KCNQ3: variants seen among roughly 807,000 people sequenced by gnomAD.
KCNQ3 encodes the protein potassium voltage-gated channel subfamily KQT member 3.
Under a neutral mutation model 92.5 loss-of-function variants are expected in KCNQ3, and 30 were observed. That is an observed-to-expected ratio of 0.32 (90% CI 0.24 to 0.44). The LOEUF is 0.44. KCNQ3 is among the 20% of genes least tolerant of loss of function. KCNQ3 has a pLI of 1.00. For synonymous variants in KCNQ3, 450 were observed against 468.8 expected (o/e 0.96, Z 0.52); for missense variants, 913 against 1,140.3 (o/e 0.80, Z 2.87).
At chr8:132,161,200 C>A (rs539498222) in intron 9 of KCNQ3, among the ~76,000 whole-genome samples, 2 of 152,100 alleles carry the variant, frequency 1.3e-5, no homozygotes, top group East Asian at 1.9e-4. Flanking sequence ...TTTTTCTTAT[C>A]CCCAATATAG....
intron 1 of KCNQ3, among the ~76,000 whole-genome samples, chr8:132,347,080 C>T (rs1268514240): frequency 6.6e-6 from 1 of 152,142 alleles, no homozygotes; most frequent in African/African-American, 2.4e-5. Context: ...AGGATACCTG[C>T]CTGGCCCCTG....
chr8:132,356,145 C>T (rs1207107208), intron 1 of KCNQ3, among the ~76,000 whole-genome samples: 2 of 152,182 alleles, frequency 1.3e-5, no homozygotes. Flanking sequence ...GAGCCAGGCA[C>T]TGAGTGGAGG....
chr8:132,377,007 G>A (rs986865070), intron 1 of KCNQ3, among the ~76,000 whole-genome samples: 5 of 152,234 alleles, frequency 3.3e-5, no homozygotes, highest in Admixed American at 1.3e-4. Flanking sequence ...AGGGAATTGC[G>A]ATGGTTAATT....
intron 1 of KCNQ3, among the ~76,000 whole-genome samples, chr8:132,264,179 T>C (rs1017446165): frequency 2.0e-5 from 3 of 152,038 alleles, no homozygotes; most frequent in African/African-American, 7.2e-5. Context: ...CATTAGGGAG[T>C]ACATGCTATT....
intron 1 of KCNQ3, among the ~76,000 whole-genome samples, chr8:132,221,091 T>C (rs1283493525): frequency 2.0e-5 from 3 of 152,170 alleles, no homozygotes; most frequent in Admixed American, 2.0e-4. Context: ...CTTGTGATAG[T>C]TTGCTCAGAA....
chr8:132,473,340 T>C (rs919360092), intron 1 of KCNQ3, among the ~76,000 whole-genome samples: 2 of 152,170 alleles, frequency 1.3e-5, no homozygotes, highest in Admixed American at 6.5e-5. Context: ...CAGTAATGAA[T>C]TACAGTTTAT....
intron 1 of KCNQ3, among the ~76,000 whole-genome samples, chr8:132,266,359 T>C (rs184926489): frequency 6.4e-4 from 97 of 152,312 alleles, no homozygotes; most frequent in African/African-American, 2.2e-3. Context: ...TCTTCTAAGC[T>C]AGGAGCCAAG....
chr8:132,366,874 G>A (rs1376816759), intron 1 of KCNQ3, among the ~76,000 whole-genome samples: 1 of 152,126 alleles, frequency 6.6e-6, no homozygotes, highest in Admixed American at 6.5e-5. Flanking sequence ...TAGAATGTTT[G>A]CTTAATTTCA....
At chr8:132,427,389 G>A (rs909757809) in intron 1 of KCNQ3, among the ~76,000 whole-genome samples, 6 of 152,282 alleles carry the variant, frequency 3.9e-5, no homozygotes, top group African/African-American at 1.2e-4. Context: ...CTCCTTTAAC[G>A]TAAGGAGTCA....
At chr8:132,236,487 C>T (rs779015985) in intron 1 of KCNQ3, among the ~76,000 whole-genome samples, 2 of 152,128 alleles carry the variant, frequency 1.3e-5, no homozygotes, top group Non-Finnish European at 2.9e-5. Context: ...GAGATTAATG[C>T]TAATAATTAA....
chr8:132,214,490 G>A (rs1003389712), intron 1 of KCNQ3, among the ~76,000 whole-genome samples: 1 of 152,192 alleles, frequency 6.6e-6, no homozygotes, highest in African/African-American at 2.4e-5. Context: ...GGCGTTATGG[G>A]GTGGGGTGGT....
intron 3 of KCNQ3, among the ~76,000 whole-genome samples, chr8:132,183,587 T>C (rs1826863338): frequency 1.3e-5 from 2 of 152,164 alleles, no homozygotes; most frequent in Admixed American, 1.3e-4. Flanking sequence ...TGGATTTTAG[T>C]CCACACTGGA....
intron 13 of KCNQ3, 49 bp from the exon 14 acceptor site, chr8:132,132,313 A>G (rs1354240186): frequency 5.4e-6 from 8 of 1,474,898 alleles, no homozygotes; most frequent in Non-Finnish European, 6.6e-6. Flanking sequence ...TATTTTTGCT[A>G]TGCAAGGTAA....
chr8:132,472,223 T>C (rs1822313528), intron 1 of KCNQ3, among the ~76,000 whole-genome samples: 8 of 152,116 alleles, frequency 5.3e-5, no homozygotes, highest in Admixed American at 4.6e-4. Flanking sequence ...AAACTAAAAA[T>C]AGAACTATCA....
chr8:132,441,567 A>G (rs1263432341), intron 1 of KCNQ3, among the ~76,000 whole-genome samples: 1 of 143,104 alleles, frequency 7.0e-6, no homozygotes, highest in African/African-American at 2.7e-5. Context: ...AAAAACAAAA[A>G]TCAAAAAACA....
chr8:132,272,302 C>G (rs189483796), intron 1 of KCNQ3, among the ~76,000 whole-genome samples: 3 of 152,316 alleles, frequency 2.0e-5, no homozygotes, highest in African/African-American at 7.2e-5. Context: ...GCATGGCTGT[C>G]TATGGAGGTG....
At chr8:132,369,360 G>T (rs558024746) in intron 1 of KCNQ3, among the ~76,000 whole-genome samples, 1 of 152,188 alleles carries the variant, frequency 6.6e-6, no homozygotes, top group Admixed American at 6.5e-5. Flanking sequence ...TCCTTGAGAG[G>T]GAGTTTCTCC....
At position 132,324,545 on chromosome 8, in the gene KCNQ3, A is replaced by G. The variant is rs568274932; in HGVS notation, c.387-138364T>C. On this transcript the variant is annotated intron_variant, in intron 1 of 14. Coordinates refer to ENST00000388996, the MANE Select transcript of KCNQ3 (RefSeq NM_004519.4). ...AGTAACTTGTCTCTAAAAAAGAACC[A>G]GAAGAAAAGGGGAGTGGACACAGTT... Among the ~76,000 whole-genome samples the G allele has an allele frequency of 1.8e-4, 28 of 152,352 alleles. 1 individual carries two copies. Among genetic ancestry groups the G allele is most frequent in the African/African-American group, 6.7e-4 (28 of 41,584 alleles).
chr8:132,124,138 C>T lies in KCNQ3; in HGVS notation c.*5124G>A, dbSNP rs1480906625. ...CCAACATTCCTGCCTCTCTTCATTC[C>T]AAGATTCCTTCTGTTCTTTATTGTG... is the stretch of plus-strand genomic sequence containing the variant. On this transcript the variant is annotated 3_prime_UTR_variant, in exon 15 of 15. Coordinates refer to ENST00000388996, the MANE Select transcript of KCNQ3 (RefSeq NM_004519.4). 2 of 152,174 alleles carry T rather than the reference C, an allele frequency of 1.3e-5. No homozygotes were observed. Among genetic ancestry groups the T allele is most frequent in the Non-Finnish European group, 2.9e-5 (2 of 68,030 alleles). 9.4% of individuals were successfully genotyped at this position (152,174 alleles called of 1,614,324 possible).
Sources: allele counts gnomAD v4.1 joint callset (sites outside exome capture counted in the v4.1 genomes callset), GRCh38; gene constraint gnomAD v4.1.1; transcripts MANE v1.5; gene names NCBI Gene and HGNC (gene_info 2026-07-23, HGNC 2026-07-21).